Variants in MAF observed in about 807,000 individuals in gnomAD.
MAF encodes the protein MAF bZIP transcription factor.
A neutral mutation model predicts 22.0 loss-of-function variants in MAF; 10 were observed. The ratio of observed to expected loss-of-function variants is 0.45; its 90% CI spans 0.28 to 0.77. The LOEUF is 0.77. Among genes scored for constraint, MAF ranks in the 30% least tolerant of loss-of-function variants. The pLI is 0.12. For missense variants in MAF, 544 were observed against 548.4 expected, an observed-to-expected ratio of 0.99 and a Z score of 0.08; for synonymous variants, 337 against 255.8, an observed-to-expected ratio of 1.32 and a Z score of -3.03.
the MAF span, among the ~76,000 whole-genome samples, chr16:79,284,348 G>C: frequency 1.3e-5 from 2 of 152,282 alleles, no homozygotes; most frequent in African/African-American, 2.4e-5. Context: ...ACCATCCAAA[G>C]GCAAATGCCC....
chr16:79,559,047 G>C, the MAF span, among the ~76,000 whole-genome samples: 1 of 152,136 alleles, frequency 6.6e-6, no homozygotes. Flanking sequence ...CTGTGTGTTT[G>C]TTTGTGAGCT....
the MAF span, among the ~76,000 whole-genome samples, chr16:79,332,767 C>T: frequency 6.6e-6 from 1 of 152,206 alleles, no homozygotes; most frequent in Non-Finnish European, 1.5e-5. Flanking sequence ...AACAACCAGC[C>T]TACACAAGAG....
the MAF span, among the ~76,000 whole-genome samples, chr16:79,213,883 G>A: frequency 2.0e-5 from 3 of 152,094 alleles, no homozygotes; most frequent in Non-Finnish European, 4.4e-5. Flanking sequence ...GCTCACTAAG[G>A]TTAATTTTTT....
chr16:79,356,912 T>C, the MAF span, among the ~76,000 whole-genome samples: 4 of 152,198 alleles, frequency 2.6e-5, no homozygotes, highest in South Asian at 6.2e-4. Flanking sequence ...GCTGGGTTTA[T>C]TACTATCTAA....
chr16:79,239,691 C>G, the MAF span, among the ~76,000 whole-genome samples: 13 of 152,000 alleles, frequency 8.6e-5, no homozygotes, highest in Non-Finnish European at 1.8e-4. Flanking sequence ...CCTCTCAATA[C>G]CTGGAAAGCT....
At chr16:79,487,098 T>A in the MAF span, among the ~76,000 whole-genome samples, 1 of 152,128 alleles carries the variant, frequency 6.6e-6, no homozygotes, top group East Asian at 1.9e-4. Flanking sequence ...CAAAACACTG[T>A]TTTATATACT....
At chr16:79,546,294 G>C in the MAF span, among the ~76,000 whole-genome samples, 1 of 102,996 alleles carries the variant, frequency 9.7e-6, no homozygotes, top group Non-Finnish European at 2.1e-5. Context: ...AAATCAATAA[G>C]AGAATTTTTT....
chr16:79,470,433 T>C, the MAF span, among the ~76,000 whole-genome samples: 1 of 152,096 alleles, frequency 6.6e-6, no homozygotes, highest in Non-Finnish European at 1.5e-5. Context: ...AGCTGCCCAC[T>C]CCACTGTGGG....
At chr16:79,315,149 G>T in the MAF span, among the ~76,000 whole-genome samples, 1 of 152,156 alleles carries the variant, frequency 6.6e-6, no homozygotes, top group East Asian at 1.9e-4. Flanking sequence ...GCCAGGCACG[G>T]TTCTAGGATC....
the MAF span, among the ~76,000 whole-genome samples, chr16:79,455,993 G>A: frequency 0.056 from 8,491 of 152,126 alleles, 325 homozygotes; most frequent in East Asian, 0.089. Flanking sequence ...ACTCCAGCCT[G>A]GGTGACACAG....
chr16:79,226,734 A>C, the MAF span, among the ~76,000 whole-genome samples: 1 of 152,088 alleles, frequency 6.6e-6, no homozygotes, highest in Admixed American at 6.6e-5. Context: ...TCTTAGGCTC[A>C]TCTATATTCC....
the MAF span, among the ~76,000 whole-genome samples, chr16:79,301,513 G>A: frequency 2.0e-5 from 3 of 152,156 alleles, no homozygotes; most frequent in African/African-American, 7.2e-5. Context: ...TGGATAGGAC[G>A]CAGGGATGAG....
At chr16:79,583,341 C>T (rs112240499), downstream of MAF, among the ~76,000 whole-genome samples, 2 of 152,176 alleles carry the variant, frequency 1.3e-5, no homozygotes, top group African/African-American at 4.8e-5. Context: ...ACGATGTCCA[C>T]TCCATCTGCC....
At chr16:79,279,701 C>T in the MAF span, among the ~76,000 whole-genome samples, 1 of 152,150 alleles carries the variant, frequency 6.6e-6, no homozygotes, top group Non-Finnish European at 1.5e-5. Context: ...CATATGTTGC[C>T]TCGCGCAGGG....
chr16:79,308,069 T>C, the MAF span, among the ~76,000 whole-genome samples: 1 of 152,200 alleles, frequency 6.6e-6, no homozygotes, highest in African/African-American at 2.4e-5. Context: ...GGTGATAATA[T>C]CTGACAGAGC....
chr16:79,268,312 T>G, the MAF span, among the ~76,000 whole-genome samples: 1 of 152,138 alleles, frequency 6.6e-6, no homozygotes, highest in Non-Finnish European at 1.5e-5. Flanking sequence ...CATGGGCTTG[T>G]AGGAAACCTC....
chr16:79,417,252 A>G, the MAF span, among the ~76,000 whole-genome samples: 1 of 152,162 alleles, frequency 6.6e-6, no homozygotes, highest in Non-Finnish European at 1.5e-5. Flanking sequence ...TGAGGTCATT[A>G]AAAAGCCTGT....
chr16:79,352,288 T>C, the MAF span, among the ~76,000 whole-genome samples: 1 of 152,170 alleles, frequency 6.6e-6, no homozygotes, highest in African/African-American at 2.4e-5. Flanking sequence ...CAAGACTCCT[T>C]AGAAATAATC....
the MAF span, among the ~76,000 whole-genome samples, chr16:79,489,362 TA>T: frequency 8.9e-4 from 135 of 152,350 alleles, no homozygotes; most frequent in African/African-American, 3.0e-3. Context: ...TCCATCCATC[TA>T]TCCATCCATC....
Sources: gnomAD v4.1 joint callset for allele counts (sites outside exome capture counted in the v4.1 genomes callset) on GRCh38, gnomAD v4.1.1 for gene constraint, MANE v1.5 for transcripts, NCBI Gene and HGNC (gene_info 2026-07-23, HGNC 2026-07-21) for gene names.